Variants in FRY observed in about 807,000 individuals in gnomAD.
The protein encoded by FRY is FRY microtubule binding protein, also known as protein furry homolog.
FRY carries 128 observed loss-of-function variants against 348.4 expected under a neutral mutation model. That is an observed-to-expected ratio of 0.37 (90% CI 0.32 to 0.43). The LOEUF (loss-of-function observed/expected upper bound fraction) is 0.43, where lower values mean the gene tolerates loss of function less well. Ranked by LOEUF, FRY falls within the 20% of genes least tolerant of loss-of-function variation. The pLI is 1.00. For synonymous variants in FRY, 1,370 were observed against 1,374.7 expected (o/e 1.00, Z 0.08); for missense variants, 2,736 against 3,695.2 (o/e 0.74, Z 6.73).
intron 52 of FRY, 100 bp downstream of exon 52, chr13:32,261,916 C>A: frequency 9.2e-7 from 1 of 1,091,442 alleles, no homozygotes; most frequent in Non-Finnish European, 1.4e-6. Flanking sequence ...CTTTCCACAG[C>A]TGCTGAACTA....
rs1885470271 is a variant in FRY, at chr13:32,224,309, C to G, written c.4840C>G (p.Pro1614Ala). 3 of 1,613,806 alleles carry G rather than the reference C, an allele frequency of 1.9e-6. No homozygotes were observed. Among genetic ancestry groups the G allele is most frequent in the African/African-American group, 1.3e-5 (1 of 74,878 alleles). The change falls in exon 37 of 61, where the codon CCT (proline) becomes GCT (alanine). Residue 1614 changes from proline (P) to alanine (A), a missense_variant. By Grantham distance (27) the Pro-to-Ala change is conservative. Transcript: ENST00000542859. Reference sequence around the variant, plus strand: ...CAAGCAGCCGCAGCCCTTACCGATGCCTTGTACTGGAGGATGCTGGGCCCC... The same window carrying G: ...CAAGCAGCCGCAGCCCTTACCGATGGCTTGTACTGGAGGATGCTGGGCCCC... ...ETKQPQPLPM[P>A]CTGGCWAPLV... is the part of the protein sequence containing the mutation.
intron 58 of FRY, among the ~76,000 whole-genome samples, chr13:32,283,616 T>G (rs940072694): frequency 1.3e-5 from 2 of 152,244 alleles, no homozygotes; most frequent in Admixed American, 6.5e-5. Flanking sequence ...ACCATGTTTC[T>G]AAGCAATTTA....
At chr13:32,283,509 A>G (rs1888913334) in intron 58 of FRY, among the ~76,000 whole-genome samples, 1 of 152,242 alleles carries the variant, frequency 6.6e-6, no homozygotes, top group South Asian at 2.1e-4. Context: ...TTCTTTGCAT[A>G]TGCAAGAAGC....
In FRY at chr13:32,262,484, A is replaced by G. The variant is rs1887705924; in HGVS notation, c.7779+9A>G. 5 of 1,605,692 alleles carry G rather than the reference A, an allele frequency of 3.1e-6. No homozygotes were observed. The highest frequency in any genetic ancestry group is 2.7e-5 in the African/African-American group (2 of 74,736). ...TTTCTGAGGGTTCAAAGGTGAAGAG[A>G]TTTTAACAATGATGATTTGTACTTC... On this transcript the variant is annotated intron_variant, in intron 53 of 60. Transcript: ENST00000542859.
chr13:32,249,543 G>A lies in FRY; in HGVS notation c.7026G>A (p.Arg2342=). 6.2e-7 allele frequency: 1 copy of A among 1,614,190 alleles called. No individual in the cohort carries two copies. Among genetic ancestry groups the A allele is most frequent in the Non-Finnish European group, 8.5e-7 (1 of 1,180,036 alleles). Reference sequence around the variant, plus strand: ...TTCTCAAGACTCCAATCATCGGGAGGCGGTATGATGAGCTGCAGAATTCTT... The same window carrying A: ...TTCTCAAGACTCCAATCATCGGGAGACGGTATGATGAGCTGCAGAATTCTT... ...FDISETPIIG[R]RYDELQNSSG... Residue 2342 remains arginine, a synonymous_variant, in exon 49 of 61, where the codon AGG becomes AGA. Coordinates refer to ENST00000542859, the MANE Select transcript of FRY (RefSeq NM_023037.3).
intron 11 of FRY, among the ~76,000 whole-genome samples, chr13:32,143,048 G>A (rs964862114): frequency 2.0e-5 from 3 of 152,092 alleles, no homozygotes; most frequent in Non-Finnish European, 2.9e-5. Flanking sequence ...GGCATGCAGG[G>A]AATTGCAAAA....
At chr13:32,127,573 C>T (rs937736231) in intron 7 of FRY, among the ~76,000 whole-genome samples, 8 of 152,036 alleles carry the variant, frequency 5.3e-5, no homozygotes, top group African/African-American at 9.7e-5. Context: ...GCCAGGAGAT[C>T]GAGACCATCC....
chr13:32,291,554 T>A (rs1889364374), intron 59 of FRY, among the ~76,000 whole-genome samples: 1 of 151,794 alleles, frequency 6.6e-6, no homozygotes, highest in Non-Finnish European at 1.5e-5. Context: ...TACAGGCATG[T>A]ACCACCACAC....
intron 1 of FRY, among the ~76,000 whole-genome samples, chr13:32,037,771 T>A (rs1593550608): frequency 6.6e-6 from 1 of 152,352 alleles, no homozygotes; most frequent in East Asian, 1.9e-4. Context: ...TTAATACCCA[T>A]GACTCAGTAG....
chr13:32,218,728 T>C (rs772977761), intron 35 of FRY, 21 bp from the exon 36 acceptor site: 61 of 1,418,744 alleles, frequency 4.3e-5, no homozygotes, highest in Non-Finnish European at 6.0e-5. Flanking sequence ...TATTTCATTC[T>C]GGTTGTTCTT....
chr13:32,071,711 T>C (rs1874669283), intron 1 of FRY, among the ~76,000 whole-genome samples: 1 of 152,090 alleles, frequency 6.6e-6, no homozygotes. Context: ...AGAATGGTGG[T>C]TGCCTGGGGC....
At chr13:32,187,831 C>T (rs1018482690) in intron 28 of FRY, among the ~76,000 whole-genome samples, 175 bp downstream of exon 28, 4 of 152,084 alleles carry the variant, frequency 2.6e-5, no homozygotes. Flanking sequence ...AAGATAGTAA[C>T]ATTTATCAAA....
rs753359734 is a variant in FRY, at chr13:32,212,357, A to G, written c.4657A>G (p.Lys1553Glu). The G allele has an allele frequency of 6.2e-7, 1 of 1,604,084 alleles. No individual in the cohort carries two copies. ...QENFPDAEEN[K>E]ILKESDERFS... ...AAATTTCCCAGATGCTGAGGAGAAC[A>G]AGATATTGAAAGAATCTGATGAAAG... Residue 1553 changes from lysine to glutamate, a missense_variant, in exon 35 of 61, where the codon AAG becomes GAG. Physicochemically the swap from Lys to Glu is moderately conservative, Grantham distance 56. Around this residue, in one of 9 missense-constraint regions of FRY, gnomAD observed 794 missense variants for 977.0 expected, o/e 0.81. Transcript: ENST00000542859.
At chr13:32,175,708 G>A (rs1882321664) in intron 20 of FRY, 76 bp downstream of exon 20, 1 of 879,320 alleles carries the variant, frequency 1.1e-6, no homozygotes, top group Non-Finnish European at 1.9e-6. Flanking sequence ...GAAAAATTAT[G>A]TGGAATAATT....
At chr13:32,231,351 G>A in intron 41 of FRY, 51 bp downstream of exon 41, 1 of 1,579,078 alleles carries the variant, frequency 6.3e-7, no homozygotes, top group Non-Finnish European at 8.7e-7. Context: ...TTCTGTAATG[G>A]ACACTGTCTC....
chr13:32,190,783 C>T (rs757337315), intron 28 of FRY, among the ~76,000 whole-genome samples: 13 of 152,242 alleles, frequency 8.5e-5, no homozygotes, highest in Non-Finnish European at 1.2e-4. Flanking sequence ...CAATGCAATT[C>T]CAGTCAAAAT....
Position 32,296,477 on chromosome 13 carries a change from G to C in FRY, c.*1017G>C, listed in dbSNP as rs1363547609. The C allele has an allele frequency of 6.6e-6, 1 of 152,572 alleles. No homozygotes were observed. Among genetic ancestry groups the C allele is most frequent in the Non-Finnish European group, 1.5e-5 (1 of 68,016 alleles). The allele number at this position is 152,572 out of a possible 1,614,324, so 9.5% of individuals were successfully genotyped here. ...TTAAACTTAATGCTGTCAAGTGTTA[G>C]ATGTGTGCATGTGAACTTGTTGCAC... is the stretch of plus-strand genomic sequence containing the variant. On this transcript the variant is annotated 3_prime_UTR_variant, in exon 61 of 61. Transcript: ENST00000542859.
intron 1 of FRY, among the ~76,000 whole-genome samples, chr13:32,046,672 G>T (rs1873029889): frequency 6.6e-6 from 1 of 152,124 alleles, no homozygotes; most frequent in South Asian, 2.1e-4. Flanking sequence ...GTTCTTTATT[G>T]TGTTTCCATG....
At chr13:32,173,871 T>G (rs1385021203) in intron 19 of FRY, among the ~76,000 whole-genome samples, 5 of 152,248 alleles carry the variant, frequency 3.3e-5, no homozygotes, top group Non-Finnish European at 7.3e-5. Flanking sequence ...GAAGATATTA[T>G]TACTTTATAT....
Sources: gnomAD v4.1 joint callset for allele counts (sites outside exome capture counted in the v4.1 genomes callset) on GRCh38, gnomAD v4.1.1 for gene constraint, gnomAD v4.1.1 regional missense constraint, MANE v1.5 for transcripts, NCBI Gene and HGNC (gene_info 2026-07-23, HGNC 2026-07-21) for gene names.